Variants in SATB2 observed in about 807,000 individuals in gnomAD.
SATB2 encodes SATB homeobox 2.
SATB2 carries 1 observed loss-of-function variant against 73.4 expected under a neutral mutation model. The observed-to-expected ratio is 0.01, with a 90% CI of 0.00 to 0.06. The LOEUF is 0.06. Ranked by LOEUF, SATB2 falls within the 10% of genes least tolerant of loss-of-function variation. The pLI is 1.00. For synonymous variants in SATB2, 397 were observed against 367.0 expected (o/e 1.08, Z -0.93); for missense variants, 459 against 945.8 (o/e 0.49, Z 6.75).
At chr2:199,409,083 G>A (rs1435308453) in intron 3 of SATB2, among the ~76,000 whole-genome samples, 1 of 151,808 alleles carries the variant, frequency 6.6e-6, no homozygotes, top group African/African-American at 2.4e-5. Flanking sequence ...GGGAGGGTAT[G>A]ATGATATAAA....
intron 6 of SATB2, among the ~76,000 whole-genome samples, chr2:199,360,202 A>G (rs1689095852): frequency 6.6e-6 from 1 of 152,182 alleles, no homozygotes. Context: ...ATGTCCCCAC[A>G]ATCATCAGAT....
chr2:199,329,736 T>C (rs535198377), intron 7 of SATB2, among the ~76,000 whole-genome samples: 10 of 152,312 alleles, frequency 6.6e-5, no homozygotes, highest in Admixed American at 3.9e-4. Flanking sequence ...GGTTTTCATG[T>C]GCTCTGACGA....
chr2:199,366,397 T>G (rs1461522780), intron 6 of SATB2, among the ~76,000 whole-genome samples: 1 of 152,090 alleles, frequency 6.6e-6, no homozygotes, highest in Non-Finnish European at 1.5e-5. Context: ...AGAAAAAGGC[T>G]TCTACCAAAT....
chr2:199,371,184 T>C (rs952573367), intron 5 of SATB2, among the ~76,000 whole-genome samples: 1 of 152,144 alleles, frequency 6.6e-6, no homozygotes, highest in Non-Finnish European at 1.5e-5. Flanking sequence ...AGAAAGGCCA[T>C]GTTATATCTG....
chr2:199,339,133 A>C (rs1574521815), intron 7 of SATB2, among the ~76,000 whole-genome samples: 1 of 152,266 alleles, frequency 6.6e-6, no homozygotes, highest in East Asian at 1.9e-4. Flanking sequence ...GAGCACAAAC[A>C]AAGCCATCAT....
At position 199,437,077 on chromosome 2, in the gene SATB2, G is replaced by A. The variant is rs370458008; in HGVS notation, c.170-3563C>T. Among the ~76,000 whole-genome samples the A allele has an allele frequency of 9.9e-5, 15 of 152,174 alleles. No individual in the cohort carries two copies. In the Middle Eastern group the frequency reaches 0.017, roughly 174 times the overall value. On this transcript the variant is annotated intron_variant, in intron 2 of 10. Transcript: ENST00000417098. ...ATTTTCAACAAAATTTAGAAATGGTGAAGAAAAAAGAAAATCTTGCTCTAG... is the reference window on the plus strand; with the variant it reads ...ATTTTCAACAAAATTTAGAAATGGTAAAGAAAAAAGAAAATCTTGCTCTAG...
chr2:199,406,417 AT>A (rs1690630480), intron 3 of SATB2, among the ~76,000 whole-genome samples: 1 of 152,170 alleles, frequency 6.6e-6, no homozygotes, highest in African/African-American at 2.4e-5. Context: ...CATTTTTACA[AT>A]GTGAGATAAA....
Position 199,271,774 on chromosome 2 carries a change from A to C in SATB2, c.*437T>G. The C allele has an allele frequency of 6.1e-6, 1 of 163,968 alleles. No individual in the cohort carries two copies. Among genetic ancestry groups the C allele is most frequent in the South Asian group, 1.5e-4 (1 of 6,640 alleles). The allele number at this position is 163,968 out of a possible 1,614,324, so 10.2% of individuals were successfully genotyped here. A position where few individuals can be genotyped will look rare whatever the true frequency, so the allele number is the denominator to read the frequency against. On this transcript the variant is annotated 3_prime_UTR_variant, in exon 11 of 11. Transcript: ENST00000417098. ...TCTGTCCCATGCAATTTTAATATAT[A>C]TATGTAAATATAGAGATATATACAT...
chr2:199,331,469 C>A (rs901156265), intron 7 of SATB2, among the ~76,000 whole-genome samples: 5 of 152,104 alleles, frequency 3.3e-5, no homozygotes, highest in African/African-American at 1.2e-4. Flanking sequence ...AAGCCAGTGT[C>A]ACCTCCACAT....
chr2:199,456,781 T>C (rs1397360745), intron 1 of SATB2, among the ~76,000 whole-genome samples: 1 of 152,228 alleles, frequency 6.6e-6, no homozygotes, highest in Non-Finnish European at 1.5e-5. Flanking sequence ...CTTATCTTCA[T>C]CTGATCCCCA....
intron 5 of SATB2, among the ~76,000 whole-genome samples, chr2:199,377,409 C>A (rs956129558): frequency 3.3e-5 from 5 of 151,934 alleles, no homozygotes; most frequent in Middle Eastern, 3.2e-3. Flanking sequence ...CAAAAAACAA[C>A]AAAACAGGTA....
At chr2:199,425,192 A>T (rs1691290260) in intron 3 of SATB2, among the ~76,000 whole-genome samples, 1 of 152,224 alleles carries the variant, frequency 6.6e-6, no homozygotes, top group African/African-American at 2.4e-5. Context: ...TTAATGAGAC[A>T]TACCTTAATT....
Position 199,272,635 on chromosome 2 carries a change from C to T in SATB2, c.1778G>A (p.Ser593Asn), listed in dbSNP as rs751007411. 2.7e-5 allele frequency: 44 copies of T among 1,613,976 alleles called. No homozygotes were observed. In the East Asian group the frequency reaches 9.8e-4, roughly 36 times the overall value. Residue 593 changes from serine (S) to asparagine (N), a missense_variant, in exon 11 of 11, where the codon AGT (serine) becomes AAT (asparagine). By Grantham distance (46) the Ser-to-Asn change is conservative. This residue lies in a region of SATB2 where 74 missense variants were observed against 136.1 expected (regional missense o/e 0.54). Transcript: ENST00000417098. The surrounding 1 kb of genome is among the most constrained non-coding windows in gnomAD (Gnocchi z 6.7). ...AGGCGCTTCTTCTCTGGGAGGGGAA[C>T]TCTCCTTGGCTGGCTGAGACTGCTG... is the stretch of plus-strand genomic sequence containing the variant. ...HRQQSQPAKE[S>N]SPPREEAPPP... is the part of the protein sequence containing the mutation.
At chr2:199,395,760 A>G (rs1245292859) in intron 3 of SATB2, 1 of 152,210 alleles carries the variant, frequency 6.6e-6, no homozygotes, top group Non-Finnish European at 1.5e-5. Context: ...TGCCCTTGCT[A>G]TCAAATTACT....
At chr2:199,275,346 A>C (rs997725732) in intron 10 of SATB2, among the ~76,000 whole-genome samples, 1 of 152,224 alleles carries the variant, frequency 6.6e-6, no homozygotes, top group Non-Finnish European at 1.5e-5. Context: ...ATATGTACAG[A>C]GAAGCCAAAC....
At chr2:199,294,348 T>G (rs1247257838) in intron 10 of SATB2, among the ~76,000 whole-genome samples, 1 of 152,156 alleles carries the variant, frequency 6.6e-6, no homozygotes, top group Non-Finnish European at 1.5e-5. Flanking sequence ...ACAAGAAAAT[T>G]TCTTCTCTCC....
At position 199,457,120 on chromosome 2, in the gene SATB2, C is replaced by A. The variant is rs1000437042; in HGVS notation, c.-60+219G>T. ...GCTCTGGCCGCGCGAGCAGTGTCGG[C>A]GCCACGGGTCAAGGAGACAAGGTGG... On this transcript the variant is annotated intron_variant, in intron 1 of 10. Coordinates refer to ENST00000417098, the MANE Select transcript of SATB2 (RefSeq NM_001172509.2). The surrounding 1 kb of genome is among the most constrained non-coding windows in gnomAD (Gnocchi z 4.8). 6.6e-6 allele frequency among the ~76,000 whole-genome samples: 1 copy of A among 152,110 alleles called. No individual in the cohort carries two copies. The highest frequency in any genetic ancestry group is 1.5e-5 in the Non-Finnish European group (1 of 67,996).
intron 3 of SATB2, among the ~76,000 whole-genome samples, chr2:199,392,318 C>T (rs558974518): frequency 6.6e-6 from 1 of 151,414 alleles, no homozygotes; most frequent in South Asian, 2.1e-4. Flanking sequence ...AACATTGTAA[C>T]ATTTAAGTAG....
At chr2:199,431,127 C>A (rs947438181) in intron 3 of SATB2, among the ~76,000 whole-genome samples, 1 of 152,118 alleles carries the variant, frequency 6.6e-6, no homozygotes, top group Admixed American at 6.5e-5. Context: ...AAAAAACTAC[C>A]CCCATAAAAC....
Sources: gnomAD v4.1 joint callset for allele counts (sites outside exome capture counted in the v4.1 genomes callset) on GRCh38, gnomAD v4.1.1 for gene constraint, gnomAD v4.1.1 regional missense constraint, Gnocchi (gnomAD v3.1) non-coding constraint, MANE v1.5 for transcripts, NCBI Gene and HGNC (gene_info 2026-07-23, HGNC 2026-07-21) for gene names.